The following SEMA3G variants were observed in gnomAD, a reference collection of about 807,000 sequenced individuals.
The protein encoded by SEMA3G is semaphorin 3G.
SEMA3G carries 70 observed loss-of-function variants against 86.2 expected under a neutral mutation model. That is an observed-to-expected ratio of 0.81 (90% CI 0.67 to 0.99). The LOEUF (loss-of-function observed/expected upper bound fraction) is 0.99. Ranked by LOEUF, SEMA3G falls within the 50% of genes least tolerant of loss-of-function variation. SEMA3G has a pLI of 0.00. For missense variants in SEMA3G, 1,002 were observed against 1,072.4 expected, an observed-to-expected ratio of 0.93 and a Z score of 0.92; for synonymous variants, 416 against 441.4, an observed-to-expected ratio of 0.94 and a Z score of 0.72.
intron 1 of SEMA3G, among the ~76,000 whole-genome samples, chr3:52,444,311 C>G (rs149295061): frequency 3.3e-5 from 5 of 152,018 alleles, no homozygotes; most frequent in Admixed American, 6.5e-5. Context: ...AGCACTCCCC[C>G]TCAGGTGCCT....
chr3:52,442,178 G>A lies in SEMA3G; in HGVS notation c.459+7C>T, dbSNP rs748290147. The A allele has an allele frequency of 1.9e-6, 3 of 1,612,382 alleles. No homozygotes were observed. The highest frequency in any genetic ancestry group is 2.2e-5 in the South Asian group (2 of 90,934). On this transcript the variant is annotated splice_region_variant and intron_variant, in intron 4 of 15. Coordinates refer to ENST00000231721, the MANE Select transcript of SEMA3G (RefSeq NM_020163.3). The surrounding 1 kb of genome is among the most constrained non-coding windows in gnomAD (Gnocchi z 6.1). ...CCAGTCCCTTGTGGGGCCTGGCCCAGGCTCACCTCCCCACGGTGGCCAACT... is the reference window on the plus strand; with the variant it reads ...CCAGTCCCTTGTGGGGCCTGGCCCAAGCTCACCTCCCCACGGTGGCCAACT...
chr3:52,435,330 A>C lies in SEMA3G; in HGVS notation c.*273T>G. 2.0e-6 allele frequency: 1 copy of C among 490,666 alleles called. No homozygotes were observed. The allele number at this position is 490,666 out of a possible 1,614,324, so 30.4% of individuals were successfully genotyped here. A position where few individuals can be genotyped will look rare whatever the true frequency, so the allele number is the denominator to read the frequency against. The stretch of plus-strand genomic sequence containing the variant: ...GGAAATGTGTTGCGGAAGCCAGGCC[A>C]TCTCTGAGAACAAATGGCAGATCCC... On this transcript the variant is annotated 3_prime_UTR_variant, in exon 16 of 16. Transcript: ENST00000231721.
intron 1 of SEMA3G, 79 bp downstream of exon 1, chr3:52,444,834 C>T: frequency 9.1e-7 from 1 of 1,096,360 alleles, no homozygotes. Flanking sequence ...TGCACACAAA[C>T]ACGGCACATG....
At chr3:52,444,466 G>A (rs1706221005) in intron 1 of SEMA3G, among the ~76,000 whole-genome samples, 1 of 151,134 alleles carries the variant, frequency 6.6e-6, no homozygotes, top group Non-Finnish European at 1.5e-5. Flanking sequence ...CACAAACAGG[G>A]CACACGCACC....
In SEMA3G at chr3:52,440,759, G is replaced by A. The variant is rs767726274; in HGVS notation, c.993C>T (p.Thr331=). ...GGGGTGCTGGGTGTGCCCACCTGAC[G>A]GTGCTGAACAGCGCGTACACCTCGA... The part of the protein sequence containing the change: ...KSLEVYALFS[T]VSAVFQGFAV... The change falls in exon 9 of 16, where the codon ACC becomes ACT. Residue 331 remains threonine, a synonymous_variant. Transcript: ENST00000231721. 4.3e-6 allele frequency: 7 copies of A among 1,612,140 alleles called. No individual in the cohort carries two copies. The highest frequency in any genetic ancestry group is 5.9e-6 in the Non-Finnish European group (7 of 1,179,386).
chr3:52,440,342 C>T (rs772223609), intron 10 of SEMA3G, 35 bp downstream of exon 10: 29 of 1,550,772 alleles, frequency 1.9e-5, no homozygotes, highest in Non-Finnish European at 1.9e-5. Flanking sequence ...CTGCTCAGGC[C>T]TCGCTTCCCT....
At position 52,441,339 on chromosome 3, in the gene SEMA3G, G is replaced by T. The variant is rs140194428; in HGVS notation, c.738C>A (p.Phe246Leu). 3 of 1,613,800 alleles carry T rather than the reference G, an allele frequency of 1.9e-6. No homozygotes were observed. In the African/African-American group the frequency reaches 4.0e-5, roughly 22 times the overall value. ...SDQDNDKVYF[F>L]FSETVPSPDG... Reference sequence around the variant, plus strand: ...CGGGCGAGGGGACCGTCTCCGAGAAGAAGAAGTACACCTTGTCATTGTCCT... The same window carrying T: ...CGGGCGAGGGGACCGTCTCCGAGAATAAGAAGTACACCTTGTCATTGTCCT... Residue 246 changes from phenylalanine (F) to leucine (L), a missense_variant, in exon 7 of 16, where the codon TTC becomes TTA. Phe to Leu is a conservative substitution (Grantham distance 22). Transcript: ENST00000231721.
intron 12 of SEMA3G, 108 bp downstream of exon 12, chr3:52,439,572 C>G: frequency 1.2e-6 from 1 of 859,548 alleles, no homozygotes. Flanking sequence ...GCTGCAAATT[C>G]AGTAAAGACA....
chr3:52,433,365 T>G lies in SEMA3G; in HGVS notation c.*2238A>C, dbSNP rs1310071902. On this transcript the variant is annotated 3_prime_UTR_variant, in exon 16 of 16. Coordinates refer to ENST00000231721, the MANE Select transcript of SEMA3G (RefSeq NM_020163.3). ...GTGATGCAAATATTAACTTCATCCC[T>G]TTCCTTGTAAATTCAGCTTTTCTCA... The G allele has an allele frequency of 6.5e-6, 1 of 152,750 alleles. No individual in the cohort carries two copies. The highest frequency in any genetic ancestry group is 1.9e-4 in the East Asian group (1 of 5,186). 9.5% of individuals were successfully genotyped at this position (152,750 alleles called of 1,614,324 possible).
intron 1 of SEMA3G, among the ~76,000 whole-genome samples, chr3:52,443,725 T>G (rs1399777484): frequency 6.6e-6 from 1 of 152,166 alleles, no homozygotes; most frequent in African/African-American, 2.4e-5. Context: ...GACAGTACCT[T>G]GGGGAACTTT....
In SEMA3G at chr3:52,440,492, A is replaced by G. The variant is rs144559941; in HGVS notation, c.1028T>C (p.Val343Ala). 1 of 1,611,658 alleles carries G rather than the reference A, an allele frequency of 6.2e-7. No individual in the cohort carries two copies. The highest frequency in any genetic ancestry group is 8.5e-7 in the Non-Finnish European group (1 of 1,179,468). Residue 343 changes from valine (V) to alanine (A), a missense_variant, in exon 10 of 16, where the codon GTG becomes GCG. Val to Ala is a moderately conservative substitution (Grantham distance 64). Transcript: ENST00000231721. ...CTCCCAGATGTCTGCCATGTGGTAC[A>G]CACAGACGGCGAAGCCCTGGAACAC... The part of the protein sequence containing the change: ...SAVFQGFAVC[V>A]YHMADIWEVF...
chr3:52,440,740 C>T lies in SEMA3G; in HGVS notation c.998+14G>A, dbSNP rs764170050. On this transcript the variant is annotated intron_variant, in intron 9 of 15. Coordinates refer to ENST00000231721, the MANE Select transcript of SEMA3G (RefSeq NM_020163.3). ...AGGGGCCCATCGCAAGGCCGGGGTG[C>T]TGGGTGTGCCCACCTGACGGTGCTG... 6.2e-7 allele frequency: 1 copy of T among 1,608,314 alleles called. No homozygotes were observed. Among genetic ancestry groups the T allele is most frequent in the East Asian group, 2.2e-5 (1 of 44,776 alleles).
chr3:52,440,986 C>T lies in SEMA3G; in HGVS notation c.876G>A (p.Leu292=). The T allele has an allele frequency of 6.2e-7, 1 of 1,606,746 alleles. No homozygotes were observed. Residue 292 remains leucine (L), a synonymous_variant, in exon 8 of 16, where the codon CTG becomes CTA. Coordinates refer to ENST00000231721, the MANE Select transcript of SEMA3G (RefSeq NM_020163.3). ...NKWSTFLKAR[L]VCSVPGPGGA... ...CACCAGGGCCGGGCACCGAGCAGACCAGCCTGGCCTTGAGGAAAGTGCTCC... is the reference window on the plus strand; with the variant it reads ...CACCAGGGCCGGGCACCGAGCAGACTAGCCTGGCCTTGAGGAAAGTGCTCC...
chr3:52,439,744 G>C lies in SEMA3G; in HGVS notation c.1403C>G (p.Ala468Gly), dbSNP rs773193562. ...TDSGSVLKVI[A>G]LQAGGSAEPE... is the part of the protein sequence containing the mutation. ...TTCAGCTGAGCCCCCTGCCTGGAGAGCGATGACTTTGAGCACAGACCCTGA... is the reference window on the plus strand; with the variant it reads ...TTCAGCTGAGCCCCCTGCCTGGAGACCGATGACTTTGAGCACAGACCCTGA... The change falls in exon 12 of 16, where the codon GCT becomes GGT. Residue 468 changes from alanine to glycine, a missense_variant. Coordinates refer to ENST00000231721, the MANE Select transcript of SEMA3G (RefSeq NM_020163.3). 6.8e-6 allele frequency: 11 copies of C among 1,614,036 alleles called. No homozygotes were observed. The South Asian group carries it at 1.1e-4, about 16-fold the overall frequency.
intron 1 of SEMA3G, among the ~76,000 whole-genome samples, chr3:52,444,474 A>G (rs1706221274): frequency 6.6e-6 from 1 of 150,798 alleles, no homozygotes; most frequent in South Asian, 2.1e-4. Flanking sequence ...GGGCACACGC[A>G]CCCAAACAGG....
At chr3:52,441,144 T>C (rs1706146345) in intron 7 of SEMA3G, 96 bp from the exon 8 acceptor site, 10 of 1,481,138 alleles carry the variant, frequency 6.8e-6, no homozygotes, top group African/African-American at 1.4e-5. Context: ...GAGGTATGCA[T>C]GTCAGCTTTG....
In SEMA3G at chr3:52,442,736, G is replaced by C; in HGVS notation, c.276+11C>G. 6.2e-7 allele frequency: 1 copy of C among 1,613,622 alleles called. No homozygotes were observed. Among genetic ancestry groups the C allele is most frequent in the African/African-American group, 1.3e-5 (1 of 75,006 alleles). ...CTCAAACAGACCCTCTTCCCTGCCA[G>C]TCCAGCTCACCTCCCGGGGATCTGG... On this transcript the variant is annotated intron_variant, in intron 2 of 15. Transcript: ENST00000231721. The surrounding 1 kb of genome is among the most constrained non-coding windows in gnomAD (Gnocchi z 6.1).
At position 52,440,042 on chromosome 3, in the gene SEMA3G, G is replaced by A. The variant is rs1358256546; in HGVS notation, c.1200C>T (p.Tyr400=). 8 of 1,605,686 alleles carry A rather than the reference G, an allele frequency of 5.0e-6. No individual in the cohort carries two copies. In the South Asian group the frequency reaches 8.8e-5, roughly 18 times the overall value. The change falls in exon 11 of 16, where the codon TAC becomes TAT. Residue 400 remains tyrosine, a synonymous_variant. Transcript: ENST00000231721. ...PGRPFGSTKD[Y]PDEVLQFARA... is the part of the protein sequence containing the mutation. Reference sequence around the variant, plus strand: ...GGGCAAACTGCAGCACCTCATCTGGGTAGTCCTTGGTGCTGCCAAAAGGCC... The same window carrying A: ...GGGCAAACTGCAGCACCTCATCTGGATAGTCCTTGGTGCTGCCAAAAGGCC...
chr3:52,443,287 G>A (rs908042372), intron 1 of SEMA3G, among the ~76,000 whole-genome samples: 2 of 152,206 alleles, frequency 1.3e-5, no homozygotes, highest in Non-Finnish European at 2.9e-5. Context: ...GGGAGTCTTT[G>A]CAGGCCGCCT....
Sources: gnomAD v4.1 joint callset for allele counts (sites outside exome capture counted in the v4.1 genomes callset) on GRCh38, gnomAD v4.1.1 for gene constraint, Gnocchi (gnomAD v3.1) non-coding constraint, MANE v1.5 for transcripts, NCBI Gene and HGNC (gene_info 2026-07-23, HGNC 2026-07-21) for gene names.